The following NAV3 variants were observed in gnomAD, a reference collection of about 807,000 sequenced individuals.
NAV3 encodes neuron navigator 3.
NAV3 carries 87 observed loss-of-function variants against 244.7 expected under a neutral mutation model. That is an observed-to-expected ratio of 0.36 (90% CI 0.30 to 0.42). The LOEUF is 0.42. Among genes scored for constraint, NAV3 ranks in the 20% least tolerant of loss-of-function variants. The probability of loss-of-function intolerance (pLI) is 1.00; values close to 1 mark genes in which losing one functional copy is unlikely to be tolerated. For missense variants in NAV3, 2,663 were observed against 2,893.3 expected, an observed-to-expected ratio of 0.92 and a Z score of 1.83; for synonymous variants, 1,126 against 1,042.2, an observed-to-expected ratio of 1.08 and a Z score of -1.55.
chr12:77,798,995 C>G (rs1435352469), intron 2 of NAV3, among the ~76,000 whole-genome samples: 1 of 152,192 alleles, frequency 6.6e-6, no homozygotes, highest in African/African-American at 2.4e-5. Context: ...TTTGATTGCA[C>G]TTCTGCATTT....
At chr12:77,867,956 G>C (rs1880332043) in intron 1 of NAV3, among the ~76,000 whole-genome samples, 1 of 152,150 alleles carries the variant, frequency 6.6e-6, no homozygotes, top group Non-Finnish European at 1.5e-5. Flanking sequence ...GGATTAGAAA[G>C]GGAAGTGGAC....
At chr12:77,981,621 A>AT (rs1009222730) in intron 5 of NAV3, among the ~76,000 whole-genome samples, 2 of 151,622 alleles carry the variant, frequency 1.3e-5, no homozygotes, top group African/African-American at 2.4e-5. Flanking sequence ...TTTATTCCCG[A>AT]TTTTTTTTCT....
intron 5 of NAV3, among the ~76,000 whole-genome samples, chr12:77,969,142 A>G (rs1050219480): frequency 8.8e-5 from 13 of 147,690 alleles, no homozygotes; most frequent in Non-Finnish European, 1.8e-4. Flanking sequence ...AGTGTTTTTG[A>G]TGTGTGTGTG....
chr12:77,800,504 T>C (rs539583707), intron 2 of NAV3, among the ~76,000 whole-genome samples: 1 of 152,180 alleles, frequency 6.6e-6, no homozygotes, highest in Admixed American at 6.5e-5. Flanking sequence ...TAAATATTTG[T>C]AACTTCATTA....
chr12:77,804,601 G>A (rs1342150502), intron 2 of NAV3, among the ~76,000 whole-genome samples: 7 of 152,102 alleles, frequency 4.6e-5, no homozygotes, highest in Admixed American at 4.6e-4. Context: ...AAGTCACATA[G>A]TATGGTGCCT....
chr12:78,202,271 G>A (rs1342691751), intron 38 of NAV3, among the ~76,000 whole-genome samples: 1 of 151,814 alleles, frequency 6.6e-6, no homozygotes, highest in Non-Finnish European at 1.5e-5. Flanking sequence ...TCATAATTTT[G>A]AAGTTAATAT....
intron 21 of NAV3, among the ~76,000 whole-genome samples, chr12:78,147,484 G>C (rs1032921278): frequency 6.6e-6 from 1 of 151,862 alleles, no homozygotes; most frequent in Non-Finnish European, 1.5e-5. Flanking sequence ...TATTTAATTT[G>C]AGAAATGCTC....
intron 2 of NAV3, among the ~76,000 whole-genome samples, chr12:77,617,423 G>A (rs1255529447): frequency 1.3e-5 from 2 of 152,138 alleles, no homozygotes; most frequent in African/African-American, 4.8e-5. Flanking sequence ...CTTGTCCTGG[G>A]GAGATTCCTG....
In NAV3 at chr12:78,060,575, G is replaced by T. The variant is rs905660541; in HGVS notation, c.2636+1460G>T. Among the ~76,000 whole-genome samples the T allele has an allele frequency of 2.6e-5, 4 of 152,224 alleles. No homozygotes were observed. In the South Asian group the frequency reaches 8.3e-4, roughly 32 times the overall value. On this transcript the variant is annotated intron_variant, in intron 12 of 39. Transcript: ENST00000397909. ...TGTTGAGTTTTAACAAATGTTTGTGGAGTGAATGAACAAATTAATGAATAT... is the reference window on the plus strand; with the variant it reads ...TGTTGAGTTTTAACAAATGTTTGTGTAGTGAATGAACAAATTAATGAATAT...
At chr12:77,910,392 A>G (rs1283779067) in intron 1 of NAV3, among the ~76,000 whole-genome samples, 4 of 152,196 alleles carry the variant, frequency 2.6e-5, no homozygotes, top group Admixed American at 1.3e-4. Flanking sequence ...ACTGATTACC[A>G]TAGGGAGGGC....
chr12:78,026,473 C>T (rs1566031945), intron 9 of NAV3, among the ~76,000 whole-genome samples: 3 of 152,106 alleles, frequency 2.0e-5, no homozygotes, highest in African/African-American at 7.2e-5. Flanking sequence ...TGCCTCACAC[C>T]TGATGTCCTG....
intron 9 of NAV3, among the ~76,000 whole-genome samples, chr12:78,042,660 G>T (rs564909394): frequency 6.6e-6 from 1 of 152,112 alleles, no homozygotes; most frequent in African/African-American, 2.4e-5. Context: ...GCATGGTGGC[G>T]AGGGCCTGAT....
chr12:77,965,803 T>G (rs1468953968), intron 3 of NAV3, among the ~76,000 whole-genome samples: 1 of 152,232 alleles, frequency 6.6e-6, no homozygotes, highest in East Asian at 1.9e-4. Context: ...GTTTCAAACC[T>G]GTCTCCATCT....
At chr12:78,168,343 T>C (rs1027980785) in intron 23 of NAV3, among the ~76,000 whole-genome samples, 17 of 151,802 alleles carry the variant, frequency 1.1e-4, no homozygotes, top group African/African-American at 4.1e-4. Flanking sequence ...AAACTTCAGG[T>C]TTGCAGTTGA....
chr12:78,189,474 G>A (rs1304534306), intron 33 of NAV3, among the ~76,000 whole-genome samples: 2 of 151,530 alleles, frequency 1.3e-5, no homozygotes, highest in Admixed American at 1.3e-4. Flanking sequence ...AGCTTGAGTG[G>A]TTGTACAACT....
chr12:77,976,221 A>C (rs939045498), intron 5 of NAV3, among the ~76,000 whole-genome samples: 1 of 152,202 alleles, frequency 6.6e-6, no homozygotes, highest in Non-Finnish European at 1.5e-5. Flanking sequence ...ATATATCCAA[A>C]ATACTGAGGA....
intron 2 of NAV3, among the ~76,000 whole-genome samples, chr12:77,788,990 C>T (rs990916538): frequency 1.2e-4 from 18 of 152,154 alleles, no homozygotes; most frequent in Admixed American, 2.0e-4. Context: ...ATCTCCTACC[C>T]TACTCATAGT....
Position 78,119,630 on chromosome 12 carries a change from G to A in NAV3, c.3434G>A (p.Ser1145Asn), listed in dbSNP as rs776848725. The stretch of plus-strand genomic sequence containing the variant: ...AGCTTGCCCCGCCCTTCAAAATCCA[G>A]CACCAGTGGCATTCCTGGCCGAGGA... Reference protein sequence around the residue: ...YRSLPRPSKSSTSGIPGRGGH... With the variant: ...YRSLPRPSKSNTSGIPGRGGH... The change falls in exon 15 of 40, where the codon AGC becomes AAC. Residue 1145 changes from serine (S) to asparagine (N), a missense_variant. By Grantham distance (46) the Ser-to-Asn change is conservative. Transcript: ENST00000397909. The A allele has an allele frequency of 8.1e-6, 13 of 1,613,998 alleles. No individual in the cohort carries two copies. The highest frequency in any genetic ancestry group is 6.7e-5 in the African/African-American group (5 of 74,890).
intron 1 of NAV3, among the ~76,000 whole-genome samples, chr12:77,864,683 C>CGG (rs1438392039): frequency 1.2e-4 from 18 of 152,040 alleles, no homozygotes; most frequent in South Asian, 8.3e-4. Context: ...GTCCATCTAC[C>CGG]ATGCATCATA....
Sources: gnomAD v4.1 joint callset for allele counts (sites outside exome capture counted in the v4.1 genomes callset) on GRCh38, gnomAD v4.1.1 for gene constraint, MANE v1.5 for transcripts, NCBI Gene and HGNC (gene_info 2026-07-23, HGNC 2026-07-21) for gene names.